Variants in FGF13 observed in about 807,000 individuals in gnomAD.
The protein encoded by FGF13 is fibroblast growth factor 13.
A neutral mutation model predicts 19.5 loss-of-function variants in FGF13; 2 were observed. The observed-to-expected ratio is 0.10, with a 90% CI of 0.04 to 0.32. The LOEUF (loss-of-function observed/expected upper bound fraction) is 0.32. Among genes scored for constraint, FGF13 ranks in the 10% least tolerant of loss-of-function variants. The pLI is 1.00. For missense variants in FGF13, 113 were observed against 192.7 expected (o/e 0.59, Z 2.45); for synonymous variants, 72 against 76.9 (o/e 0.94, Z 0.33).
intron 1 of FGF13, among the ~76,000 whole-genome samples, chrX:139,010,912 T>C (rs1014800277): frequency 4.5e-5 from 5 of 111,037 alleles, no homozygotes; most frequent in Non-Finnish European, 9.5e-5. Context: ...ATTAGTGAGA[T>C]TAACCAAGTA....
chrX:138,879,608 A>T (rs1406914362), intron 1 of FGF13, among the ~76,000 whole-genome samples: 2 of 111,496 alleles, frequency 1.8e-5, no homozygotes, highest in Non-Finnish European at 3.8e-5. Context: ...TGCTGCACCC[A>T]TCAACCCGTC....
intron 1 of FGF13, among the ~76,000 whole-genome samples, chrX:139,061,371 A>T (rs1603170521): frequency 9.0e-6 from 1 of 111,711 alleles, no homozygotes; most frequent in Non-Finnish European, 1.9e-5. Context: ...GGATTAATGC[A>T]GTCTCAAATG....
At chrX:138,894,090 C>G (rs1189426047) in intron 1 of FGF13, among the ~76,000 whole-genome samples, 1 of 110,874 alleles carries the variant, frequency 9.0e-6, no homozygotes, top group Non-Finnish European at 1.9e-5. Context: ...TTTATCTGAA[C>G]TGCCAGGAGG....
intron 3 of FGF13, among the ~76,000 whole-genome samples, chrX:138,785,577 T>C (rs1387813419): frequency 9.5e-6 from 1 of 105,552 alleles, no homozygotes; most frequent in Non-Finnish European, 2.0e-5. Flanking sequence ...CCAGCAGGAT[T>C]TGACACAGCC....
At chrX:139,072,774 A>G (rs188737127) in intron 1 of FGF13, among the ~76,000 whole-genome samples, 54 of 111,619 alleles carry the variant, frequency 4.8e-4, no homozygotes, top group African/African-American at 1.6e-3. Flanking sequence ...TCAATTCTAG[A>G]AAATTTGGAG....
chrX:139,156,720 A>G (rs7887301), intron 1 of FGF13, among the ~76,000 whole-genome samples: 12,358 of 111,756 alleles, frequency 0.11, 1,088 homozygotes, highest in African/African-American at 0.3. Flanking sequence ...CACTCCCAGA[A>G]ATTTTTATTC....
At chrX:139,081,032 T>C (rs1887486141) in intron 1 of FGF13, among the ~76,000 whole-genome samples, 1 of 110,947 alleles carries the variant, frequency 9.0e-6, no homozygotes, top group African/African-American at 3.3e-5. Context: ...CACCTTATCC[T>C]TCCCTTCCAC....
chrX:139,034,190 G>A (rs778453972), intron 1 of FGF13, among the ~76,000 whole-genome samples: 4 of 111,886 alleles, frequency 3.6e-5, no homozygotes, highest in South Asian at 3.7e-4. Flanking sequence ...CAAAACCAGC[G>A]TCCACAGCCT....
rs776053677 is a variant in FGF13, at chrX:139,131,758, T to A, written c.-113+71658A>T. The stretch of plus-strand genomic sequence containing the variant: ...TCTCAAAAAATAAAAATAAAAAAGA[T>A]CAACGTTGCTCTAGAAGTCTGAATT... On this transcript the variant is annotated intron_variant, in intron 1 of 2. Transcript: ENST00000421460. 6.7e-4 allele frequency among the ~76,000 whole-genome samples: 75 copies of A among 111,158 alleles called. 1 individual carries two copies. The highest frequency in any genetic ancestry group is 2.8e-4 in the East Asian group (1 of 3,513).
intron 3 of FGF13, among the ~76,000 whole-genome samples, chrX:138,785,162 A>T (rs973837173): frequency 8.9e-6 from 1 of 111,889 alleles, no homozygotes; most frequent in Non-Finnish European, 1.9e-5. Context: ...ACTGTAGTGA[A>T]ATGTCCTTAC....
At chrX:138,760,300 CTG>C (rs967923849) in intron 3 of FGF13, among the ~76,000 whole-genome samples, 2 of 111,945 alleles carry the variant, frequency 1.8e-5, no homozygotes, top group African/African-American at 6.5e-5. Context: ...GTGCATGTAC[CTG>C]TGTGTGCATA....
At chrX:139,159,899 TAA>T (rs757109614) in intron 1 of FGF13, among the ~76,000 whole-genome samples, 2 of 111,101 alleles carry the variant, frequency 1.8e-5, no homozygotes, top group Non-Finnish European at 3.8e-5. Flanking sequence ...TGGGAGACTT[TAA>T]CACCTCACTG....
intron 1 of FGF13, among the ~76,000 whole-genome samples, chrX:139,020,481 T>C (rs1268439282): frequency 9.0e-6 from 1 of 110,633 alleles, no homozygotes; most frequent in Non-Finnish European, 1.9e-5. Flanking sequence ...CTGACGGGTC[T>C]TCCTACTACA....
intron 1 of FGF13, among the ~76,000 whole-genome samples, chrX:139,119,852 T>C (rs1346497793): frequency 1.8e-5 from 2 of 112,669 alleles, no homozygotes; most frequent in Non-Finnish European, 3.7e-5. Flanking sequence ...ATTTTACAGA[T>C]GAGGCAAGTG....
chrX:138,811,076 G>A (rs758845920), intron 3 of FGF13, among the ~76,000 whole-genome samples: 142 of 111,727 alleles, frequency 1.3e-3, no homozygotes, highest in African/African-American at 4.5e-3. Flanking sequence ...ACCATTTGAC[G>A]CAGCCATCCC....
chrX:138,889,765 C>T (rs1198412326), intron 1 of FGF13, among the ~76,000 whole-genome samples: 1 of 111,404 alleles, frequency 9.0e-6, no homozygotes, highest in African/African-American at 3.3e-5. Flanking sequence ...TATATCAAGG[C>T]TAGAACAGAG....
chrX:138,962,510 A>C (rs1462007258), intron 1 of FGF13, among the ~76,000 whole-genome samples: 3 of 112,358 alleles, frequency 2.7e-5, no homozygotes, highest in Non-Finnish European at 5.6e-5. Flanking sequence ...TATCCAAAGG[A>C]TTATAAATCA....
At chrX:138,857,788 G>C in intron 2 of FGF13, 27 of 673,663 alleles carry the variant, frequency 4.0e-5, no homozygotes, top group Non-Finnish European at 5.6e-5. Flanking sequence ...ACAGCCCTAA[G>C]AAAAGTTTCA....
chrX:138,967,285 C>T (rs938879003), intron 1 of FGF13, among the ~76,000 whole-genome samples: 1 of 111,513 alleles, frequency 9.0e-6, no homozygotes, highest in Non-Finnish European at 1.9e-5. Context: ...CCTTAATGGG[C>T]AGAAAATTAA....
Sources: allele counts gnomAD v4.1 joint callset (sites outside exome capture counted in the v4.1 genomes callset), GRCh38; gene constraint gnomAD v4.1.1; transcripts MANE v1.5; gene names NCBI Gene and HGNC (gene_info 2026-07-23, HGNC 2026-07-21).